CRY2: variants seen among roughly 807,000 people sequenced by gnomAD.
CRY2 encodes cryptochrome-2.
CRY2 carries 31 observed loss-of-function variants against 69.5 expected under a neutral mutation model. The ratio of observed to expected loss-of-function variants is 0.45; its 90% CI spans 0.34 to 0.60. CRY2 has a LOEUF of 0.60. Among genes scored for constraint, CRY2 ranks in the 20% least tolerant of loss-of-function variants. The pLI is 0.02. For synonymous variants in CRY2, 303 were observed against 312.2 expected (o/e 0.97, Z 0.31); for missense variants, 606 against 797.8 (o/e 0.76, Z 2.90).
rs530714280 is a variant in CRY2, at chr11:45,864,754, G to C, written c.741+2606G>C. Among the ~76,000 whole-genome samples, 167 of 152,234 alleles carry C rather than the reference G, an allele frequency of 1.1e-3. 1 individual carries two copies. The highest frequency in any genetic ancestry group is 3.8e-3 in the African/African-American group (156 of 41,530). ...ATGGTGGCGAGTGCCTGTAATCCCAGCTACTTGGGAGGTTGAGGCACGAGA... is the reference window on the plus strand; with the variant it reads ...ATGGTGGCGAGTGCCTGTAATCCCACCTACTTGGGAGGTTGAGGCACGAGA... On this transcript the variant is annotated intron_variant, in intron 5 of 11. Coordinates refer to ENST00000616080, the MANE Select transcript of CRY2 (RefSeq NM_021117.5).
chr11:45,858,436 G>A lies in CRY2; in HGVS notation c.325-295G>A, dbSNP rs548637575. 11 of 300,742 alleles carry A rather than the reference G, an allele frequency of 3.7e-5. No homozygotes were observed. In the East Asian group the frequency reaches 7.2e-4, roughly 20 times the overall value. The allele number at this position is 300,742 out of a possible 1,614,324, so 18.6% of individuals were successfully genotyped here. A position where few individuals can be genotyped will look rare whatever the true frequency, so the allele number is the denominator to read the frequency against. On this transcript the variant is annotated intron_variant, in intron 2 of 11. Coordinates refer to ENST00000616080, the MANE Select transcript of CRY2 (RefSeq NM_021117.5). ...GGTTTCCCAGGAGCGTTGTATTTAT[G>A]GCCTCCTGCTGCATTCTCCTACCTC...
rs190662479 is a variant in CRY2, at chr11:45,872,322, C to A, written c.*2+89C>A. On this transcript the variant is annotated intron_variant, in intron 11 of 11. Transcript: ENST00000616080. Reference sequence around the variant, plus strand: ...CTGCCAGCTGCAGGTTGAAACATAGCAAACTAGATGAAAATCTGGTGGGAC... The same window carrying A: ...CTGCCAGCTGCAGGTTGAAACATAGAAAACTAGATGAAAATCTGGTGGGAC... 10 of 1,238,940 alleles carry A rather than the reference C, an allele frequency of 8.1e-6. No individual in the cohort carries two copies. In the East Asian group the frequency reaches 2.3e-4, roughly 29 times the overall value. The allele number at this position is 1,238,940 out of a possible 1,614,324, so 76.7% of individuals were successfully genotyped here. A position where few individuals can be genotyped will look rare whatever the true frequency, so the allele number is the denominator to read the frequency against.
chr11:45,879,831 G>A (rs921946482), intron 11 of CRY2, among the ~76,000 whole-genome samples: 28 of 152,208 alleles, frequency 1.8e-4, no homozygotes, highest in African/African-American at 6.8e-4. Flanking sequence ...AGATCAAAAT[G>A]TTGCCAGGGT....
Position 45,867,649 on chromosome 11 carries a change from C to T in CRY2, c.779C>T (p.Ala260Val), listed in dbSNP as rs779078142. The change falls in exon 6 of 12, where the codon GCC (alanine) becomes GTC (valine). Residue 260 changes from alanine (A) to valine (V), a missense_variant. This residue lies in a region of CRY2 where 382 missense variants were observed against 508.9 expected (regional missense o/e 0.75). Transcript: ENST00000616080. ...AACTATGAGAGACCCCGAATGAACG[C>T]CAACTCCCTCCTGGCCAGCCCCACA... ...VANYERPRMNANSLLASPTGL... is the reference protein window; with the variant it reads ...VANYERPRMNVNSLLASPTGL... 14 of 1,614,232 alleles carry T rather than the reference C, an allele frequency of 8.7e-6. No homozygotes were observed. In the African/African-American group the frequency reaches 1.2e-4, roughly 14 times the overall value.
At chr11:45,853,536 C>G (rs2134629288) in intron 1 of CRY2, among the ~76,000 whole-genome samples, 1 of 152,252 alleles carries the variant, frequency 6.6e-6, no homozygotes, top group African/African-American at 2.4e-5. Context: ...ATGTGCATTC[C>G]AACCTTATTT....
intron 6 of CRY2, among the ~76,000 whole-genome samples, chr11:45,868,884 C>T (rs1012091084): frequency 1.3e-5 from 2 of 152,130 alleles, no homozygotes; most frequent in Non-Finnish European, 2.9e-5. Flanking sequence ...CATCCACCCA[C>T]CTCAGCCTCT....
rs2086183537 is a variant in CRY2 at position 45,849,952 on chromosome 11, C to A, written c.215+2247C>A. The stretch of plus-strand genomic sequence containing the variant: ...TTCTCCCAGTTCTGTTAGAATTGTT[C>A]TGGGTTATGGCCTGGGCATTAAGGT... On this transcript the variant is annotated intron_variant, in intron 1 of 11. Coordinates refer to ENST00000616080, the MANE Select transcript of CRY2 (RefSeq NM_021117.5). Among the ~76,000 whole-genome samples, 3 of 151,610 alleles carry A rather than the reference C, an allele frequency of 2.0e-5. 1 individual carries two copies. The South Asian group carries it at 6.3e-4, about 32-fold the overall frequency.
rs747704173 is a variant in CRY2 at position 45,855,964 on chromosome 11, C to G, written c.216-18C>G. 2 of 1,589,052 alleles carry G rather than the reference C, an allele frequency of 1.3e-6. No homozygotes were observed. Among genetic ancestry groups the G allele is most frequent in the South Asian group, 1.1e-5 (1 of 90,552 alleles). ...CTTCATGATGTTATCACTAACAAGGCCTGTGTGGACTCCACAGGTTCCTAC... is the reference window on the plus strand; with the variant it reads ...CTTCATGATGTTATCACTAACAAGGGCTGTGTGGACTCCACAGGTTCCTAC... On this transcript the variant is annotated intron_variant, in intron 1 of 11. Transcript: ENST00000616080.
At position 45,867,725 on chromosome 11, in the gene CRY2, C is replaced by T; in HGVS notation, c.855C>T (p.Tyr285=). The T allele has an allele frequency of 6.2e-7, 1 of 1,614,252 alleles. No homozygotes were observed. The highest frequency in any genetic ancestry group is 1.1e-5 in the South Asian group (1 of 91,084). ...RFGCLSCRLF[Y]YRLWDLYKKV... is the part of the protein sequence containing the mutation. The stretch of plus-strand genomic sequence containing the variant: ...GTTGTCTCTCCTGCCGCCTCTTCTA[C>T]TACCGCCTGTGGGACCTGTATAAAA... The change falls in exon 6 of 12, where the codon TAC becomes TAT. Residue 285 remains tyrosine, a synonymous_variant. Coordinates refer to ENST00000616080, the MANE Select transcript of CRY2 (RefSeq NM_021117.5).
At chr11:45,850,261 A>G (rs934738249) in intron 1 of CRY2, among the ~76,000 whole-genome samples, 6 of 149,452 alleles carry the variant, frequency 4.0e-5, no homozygotes, top group African/African-American at 1.5e-4. Context: ...ACCTGCGTCA[A>G]CCTCCCGAAG....
At chr11:45,873,667 A>G (rs944265074) in intron 11 of CRY2, among the ~76,000 whole-genome samples, 1 of 152,236 alleles carries the variant, frequency 6.6e-6, no homozygotes, top group African/African-American at 2.4e-5. Context: ...CATTAAACAT[A>G]TAAAATGTGA....
intron 5 of CRY2, among the ~76,000 whole-genome samples, chr11:45,865,121 T>TAA (rs938463238): frequency 7.1e-6 from 1 of 141,132 alleles, no homozygotes; most frequent in Non-Finnish European, 1.6e-5. Context: ...CACATTTGGG[T>TAA]AAAAAAAAAA....
intron 10 of CRY2, among the ~76,000 whole-genome samples, chr11:45,871,305 C>T (rs887232123): frequency 2.0e-5 from 3 of 152,156 alleles, no homozygotes; most frequent in Non-Finnish European, 4.4e-5. Flanking sequence ...CAGTACCGAG[C>T]TTAGTCCATT....
chr11:45,871,248 GAAAATA>G (rs2086379577), intron 10 of CRY2, among the ~76,000 whole-genome samples: 1 of 152,194 alleles, frequency 6.6e-6, no homozygotes, highest in Non-Finnish European at 1.5e-5. Context: ...CACACACTGA[GAAAATA>G]ACATTCCAGA....
Position 45,872,092 on chromosome 11 carries a change from G to T in CRY2, c.1643G>T (p.Gly548Val), listed in dbSNP as rs775759503. Residue 548 changes from glycine to valine, a missense_variant and splice_region_variant, in exon 11 of 12, where the codon GGC (glycine) becomes GTC (valine). Around this residue, in one of 5 missense-constraint regions of CRY2, gnomAD observed 173 missense variants for 213.7 expected, o/e 0.81. Transcript: ENST00000616080. The stretch of plus-strand genomic sequence containing the variant: ...GACCCTTTGACACGCTTCCCTACAG[G>T]CCCAAGACCACTACCCAGTGGCCCA... ...SSQAGSMSSA[G>V]PRPLPSGPAS... 2 of 1,613,866 alleles carry T rather than the reference G, an allele frequency of 1.2e-6. No individual in the cohort carries two copies. The highest frequency in any genetic ancestry group is 1.7e-6 in the Non-Finnish European group (2 of 1,179,926).
chr11:45,849,163 G>A (rs796603900), intron 1 of CRY2, among the ~76,000 whole-genome samples: 10 of 152,150 alleles, frequency 6.6e-5, no homozygotes, highest in African/African-American at 2.4e-4. Flanking sequence ...TTTTTGATAG[G>A]GAAGATTAAA....
chr11:45,851,022 C>T (rs1408880955), intron 1 of CRY2, among the ~76,000 whole-genome samples: 1 of 122,252 alleles, frequency 8.2e-6, no homozygotes, highest in East Asian at 2.1e-4. Context: ...CTATATGAGC[C>T]TCAGGACTTT....
intron 5 of CRY2, among the ~76,000 whole-genome samples, chr11:45,863,066 AG>A (rs1303286068): frequency 6.6e-6 from 1 of 152,248 alleles, no homozygotes; most frequent in African/African-American, 2.4e-5. Flanking sequence ...AATGTTCTCC[AG>A]CCCTGGAGGT....
rs755225484 is a variant in CRY2 at position 45,882,323 on chromosome 11, C to T, written c.*1412C>T. ...TGTGTGTGTGGCTATGAGGCTGATT[C>T]CTGTTTGGATTTTTGTCCTCACGTG... On this transcript the variant is annotated 3_prime_UTR_variant, in exon 12 of 12. Transcript: ENST00000616080. The T allele has an allele frequency of 1.4e-5, 4 of 280,692 alleles. No homozygotes were observed. The highest frequency in any genetic ancestry group is 2.2e-5 in the African/African-American group (1 of 45,726). 17.4% of individuals were successfully genotyped at this position (280,692 alleles called of 1,614,324 possible).
Sources: gnomAD v4.1 joint callset for allele counts (sites outside exome capture counted in the v4.1 genomes callset) on GRCh38, gnomAD v4.1.1 for gene constraint, gnomAD v4.1.1 regional missense constraint, MANE v1.5 for transcripts, NCBI Gene and HGNC (gene_info 2026-07-23, HGNC 2026-07-21) for gene names.